PLXNA4: variants seen among roughly 807,000 people sequenced by gnomAD.
The protein encoded by PLXNA4 is plexin-A4.
PLXNA4 carries 44 observed loss-of-function variants against 191.8 expected under a neutral mutation model. That is an observed-to-expected ratio of 0.23 (90% CI 0.18 to 0.29). The LOEUF (loss-of-function observed/expected upper bound fraction) is 0.29. Among genes scored for constraint, PLXNA4 ranks in the 10% least tolerant of loss-of-function variants. The pLI, the probability that PLXNA4 is intolerant of heterozygous loss-of-function variation, is 1.00. For missense variants in PLXNA4, 1,800 were observed against 2,488.8 expected, an observed-to-expected ratio of 0.72 and a Z score of 5.89; for synonymous variants, 1,082 against 1,009.5, an observed-to-expected ratio of 1.07 and a Z score of -1.36.
At chr7:132,259,749 A>C (rs939254039) in intron 4 of PLXNA4, among the ~76,000 whole-genome samples, 2 of 152,196 alleles carry the variant, frequency 1.3e-5, no homozygotes, top group Non-Finnish European at 2.9e-5. Context: ...GCGATGGATA[A>C]ATAAATGGTG....
At chr7:132,592,317 G>A (rs1319265769) in intron 2 of PLXNA4, among the ~76,000 whole-genome samples, 1 of 152,058 alleles carries the variant, frequency 6.6e-6, no homozygotes, top group Non-Finnish European at 1.5e-5. Context: ...ATGGGAGTGC[G>A]GTGCAGGGAG....
At chr7:132,332,607 G>A (rs983716607) in intron 3 of PLXNA4, among the ~76,000 whole-genome samples, 1 of 152,018 alleles carries the variant, frequency 6.6e-6, no homozygotes. Context: ...TCAGCATTTT[G>A]GGAGGCCAAG....
At chr7:132,625,039 C>T (rs1337662300) in intron 2 of PLXNA4, among the ~76,000 whole-genome samples, 2 of 152,198 alleles carry the variant, frequency 1.3e-5, no homozygotes, top group African/African-American at 2.4e-5. Context: ...ACTCTGAGCC[C>T]CCCAAAATAA....
At chr7:132,631,962 T>C (rs980571213) in intron 2 of PLXNA4, among the ~76,000 whole-genome samples, 3 of 152,128 alleles carry the variant, frequency 2.0e-5, no homozygotes, top group Admixed American at 2.0e-4. Flanking sequence ...AGATCGGGCA[T>C]AGTGGCTCAT....
intron 3 of PLXNA4, among the ~76,000 whole-genome samples, chr7:132,410,456 C>T (rs1323346646): frequency 6.6e-6 from 1 of 152,210 alleles, no homozygotes; most frequent in Admixed American, 6.5e-5. Context: ...AGACCCAAGC[C>T]TAGCCTTCCC....
At chr7:132,521,177 T>TAAAAAAAAAAAAAAAAAAAAAAA (rs143452224) in intron 1 of PLXNA4, among the ~76,000 whole-genome samples, 1 of 115,660 alleles carries the variant, frequency 8.6e-6, no homozygotes, top group Non-Finnish European at 1.8e-5. Flanking sequence ...ATTTGCTCCT[T>TAAAAAAAAAAAAAAAAAAAAAAA]GAAAAAAAAA....
intron 3 of PLXNA4, among the ~76,000 whole-genome samples, chr7:132,393,353 C>T (rs941950294): frequency 5.3e-5 from 8 of 151,924 alleles, no homozygotes; most frequent in Non-Finnish European, 1.2e-4. Context: ...TGAATGGGTA[C>T]CTTGATCATG....
intron 3 of PLXNA4, among the ~76,000 whole-genome samples, chr7:132,449,962 C>A (rs1394708822): frequency 6.6e-6 from 1 of 152,220 alleles, no homozygotes; most frequent in Non-Finnish European, 1.5e-5. Flanking sequence ...CCCTGGGGGC[C>A]CTGGGCTAAT....
intron 3 of PLXNA4, among the ~76,000 whole-genome samples, chr7:132,479,933 C>T (rs1797273840): frequency 6.6e-6 from 1 of 152,200 alleles, no homozygotes; most frequent in Admixed American, 6.5e-5. Context: ...ACTGAGATTA[C>T]AGGCATGAGC....
rs372576503 is a variant in PLXNA4 at position 132,203,426 on chromosome 7, C to A, written c.2299-7G>T. On this transcript the variant is annotated splice_polypyrimidine_tract_variant and splice_region_variant and intron_variant, in intron 10 of 31. Transcript: ENST00000321063. ...CCATCCCTTCATAGGAATACTGCAG[C>A]CAGGTCGGGGAGGAGGAAAGAAGAA... 215 of 1,613,290 alleles carry A rather than the reference C, an allele frequency of 1.3e-4. No individual in the cohort carries two copies. The highest frequency in any genetic ancestry group is 1.7e-4 in the Non-Finnish European group (206 of 1,179,368).
At chr7:132,452,879 G>A (rs1476741262) in intron 3 of PLXNA4, among the ~76,000 whole-genome samples, 1 of 152,176 alleles carries the variant, frequency 6.6e-6, no homozygotes, top group Non-Finnish European at 1.5e-5. Flanking sequence ...ATTTACTCTG[G>A]CAAAGTGATT....
intron 3 of PLXNA4, among the ~76,000 whole-genome samples, chr7:132,375,620 T>C (rs1167815321): frequency 6.6e-6 from 1 of 152,050 alleles, no homozygotes; most frequent in Non-Finnish European, 1.5e-5. Flanking sequence ...GAGGACCCAG[T>C]AGCAGTCCAG....
At chr7:132,380,167 A>T (rs1804831775) in intron 3 of PLXNA4, among the ~76,000 whole-genome samples, 1 of 152,186 alleles carries the variant, frequency 6.6e-6, no homozygotes, top group South Asian at 2.1e-4. Flanking sequence ...ACTACAGATA[A>T]CTTTTTTAAT....
intron 4 of PLXNA4, among the ~76,000 whole-genome samples, chr7:132,270,517 C>A (rs965021783): frequency 2.6e-5 from 4 of 152,188 alleles, no homozygotes; most frequent in African/African-American, 9.7e-5. Flanking sequence ...GACTTGACAA[C>A]CACTTAGGAT....
intron 1 of PLXNA4, among the ~76,000 whole-genome samples, chr7:132,548,034 C>T (rs1800386937): frequency 6.6e-6 from 1 of 152,136 alleles, no homozygotes; most frequent in Non-Finnish European, 1.5e-5. Flanking sequence ...GAAGAAAACA[C>T]CCAGCCACAC....
At chr7:132,193,530 A>G (rs1797158732) in intron 14 of PLXNA4, among the ~76,000 whole-genome samples, 1 of 152,248 alleles carries the variant, frequency 6.6e-6, no homozygotes, top group Non-Finnish European at 1.5e-5. Flanking sequence ...CAGAAAATGG[A>G]AGCAATGGTG....
rs144886004 is a variant in PLXNA4, at chr7:132,349,008, C to T, written c.1372-50786G>A. 5.6e-4 allele frequency among the ~76,000 whole-genome samples: 85 copies of T among 152,246 alleles called. 1 individual carries two copies. The East Asian group carries it at 0.013, about 24-fold the overall frequency. On this transcript the variant is annotated intron_variant, in intron 3 of 31. Transcript: ENST00000321063. ...GCGCCCCTCCGTGTTCCCCTTTATA[C>T]GCCTCCCCACCATGTGTACTTCTGT...
chr7:132,485,999 G>A (rs1454371914), intron 3 of PLXNA4, among the ~76,000 whole-genome samples: 1 of 152,098 alleles, frequency 6.6e-6, no homozygotes, highest in Non-Finnish European at 1.5e-5. Context: ...CTGGACCCCT[G>A]AAACCCACAG....
intron 2 of PLXNA4, among the ~76,000 whole-genome samples, chr7:132,600,101 C>T (rs1453592929): frequency 6.6e-6 from 1 of 152,086 alleles, no homozygotes; most frequent in African/African-American, 2.4e-5. Flanking sequence ...GATTTTTGTA[C>T]TTATCATAAG....
Sources: gnomAD v4.1 joint callset for allele counts (sites outside exome capture counted in the v4.1 genomes callset) on GRCh38, gnomAD v4.1.1 for gene constraint, MANE v1.5 for transcripts, NCBI Gene and HGNC (gene_info 2026-07-23, HGNC 2026-07-21) for gene names.